The following CDKL4 variants were observed in gnomAD, a reference collection of about 807,000 sequenced individuals.
CDKL4 encodes the protein cyclin dependent kinase like 4, also known as cyclin-dependent kinase-like 4.
Under a neutral mutation model 42.0 loss-of-function variants are expected in CDKL4, and 44 were observed. The ratio of observed to expected loss-of-function variants is 1.05; its 90% CI spans 0.82 to 1.35. The LOEUF (loss-of-function observed/expected upper bound fraction) is 1.35. CDKL4 is among the 40% of genes most tolerant of loss of function. CDKL4 has a pLI of 0.00. For missense variants in CDKL4, 393 were observed against 369.9 expected (o/e 1.06, Z -0.51); for synonymous variants, 120 against 121.6 (o/e 0.99, Z 0.09).
At chr2:39,177,947 C>G (rs570780800) in intron 9 of CDKL4, among the ~76,000 whole-genome samples, 2 of 152,320 alleles carry the variant, frequency 1.3e-5, no homozygotes, top group Admixed American at 1.3e-4. Flanking sequence ...CCTTGGCCTC[C>G]CAAAGTGCTG....
intron 7 of CDKL4, among the ~76,000 whole-genome samples, chr2:39,185,432 GTATATATACA>G (rs1558547661): frequency 0.096 from 1,591 of 16,654 alleles, 320 homozygotes; most frequent in Non-Finnish European, 0.18. Context: ...ATATACATAT[GTATATATACA>G]TGTATATATA....
At chr2:39,201,843 G>A (rs1433365303) in intron 5 of CDKL4, among the ~76,000 whole-genome samples, 1 of 152,132 alleles carries the variant, frequency 6.6e-6, no homozygotes, top group African/African-American at 2.4e-5. Context: ...CGAAAGGGTC[G>A]GGCGGCGGGT....
chr2:39,201,812 A>G (rs1264685484), intron 5 of CDKL4, among the ~76,000 whole-genome samples: 1 of 152,186 alleles, frequency 6.6e-6, no homozygotes, highest in African/African-American at 2.4e-5. Context: ...AGAATAATAC[A>G]ATGGACTTTG....
chr2:39,226,594 T>C (rs1246021444), intron 2 of CDKL4, among the ~76,000 whole-genome samples: 1 of 151,316 alleles, frequency 6.6e-6, no homozygotes, highest in Non-Finnish European at 1.5e-5. Context: ...ACAGCCTCTG[T>C]TTAATATCGC....
chr2:39,210,705 C>T (rs1313196976), intron 4 of CDKL4, among the ~76,000 whole-genome samples: 1 of 152,166 alleles, frequency 6.6e-6, no homozygotes, highest in Non-Finnish European at 1.5e-5. Context: ...ATCATTTTAA[C>T]TACCCATAAA....
At chr2:39,226,473 A>AT (rs1159576931) in intron 2 of CDKL4, among the ~76,000 whole-genome samples, 12 of 141,926 alleles carry the variant, frequency 8.5e-5, no homozygotes, top group South Asian at 4.3e-4. Context: ...TATTATATAT[A>AT]TATAATATAT....
intron 6 of CDKL4, among the ~76,000 whole-genome samples, chr2:39,188,655 A>AT (rs1675984814): frequency 6.7e-6 from 1 of 148,902 alleles, no homozygotes; most frequent in Non-Finnish European, 1.5e-5. Flanking sequence ...CATAAATGAG[A>AT]TTTTATGAGA....
At chr2:39,184,785 A>T in intron 7 of CDKL4, 138 bp from the exon 8 acceptor site, 1 of 606,190 alleles carries the variant, frequency 1.6e-6, no homozygotes, top group Admixed American at 2.6e-5. Flanking sequence ...CCCAGGCTGC[A>T]GTGCAGTGGC....
At position 39,176,289 on chromosome 2, in the gene CDKL4, C is replaced by T. The variant is rs182469604; in HGVS notation, c.928-193G>A. ...GATACCTAAAAATTAGGTTCTACTACTTATTCTAGGATACCCATGGATATA... is the reference window on the plus strand; with the variant it reads ...GATACCTAAAAATTAGGTTCTACTATTTATTCTAGGATACCCATGGATATA... On this transcript the variant is annotated intron_variant, in intron 9 of 9. Transcript: ENST00000451199. 4.5e-3 allele frequency among the ~76,000 whole-genome samples: 685 copies of T among 152,258 alleles called. 6 individuals carry two copies. Among genetic ancestry groups the T allele is most frequent in the Non-Finnish European group, 7.4e-3 (503 of 68,010 alleles).
intron 5 of CDKL4, among the ~76,000 whole-genome samples, chr2:39,195,731 C>G (rs1676475353): frequency 6.8e-6 from 1 of 147,954 alleles, no homozygotes; most frequent in South Asian, 2.1e-4. Context: ...CAACCTCTGT[C>G]TCCTGGGTTC....
intron 3 of CDKL4, among the ~76,000 whole-genome samples, chr2:39,221,054 C>T (rs1282791374): frequency 2.3e-5 from 3 of 128,790 alleles, no homozygotes; most frequent in Admixed American, 2.0e-4. Flanking sequence ...GCTCTTGTCG[C>T]CCAGGCTGGA....
At chr2:39,242,881 T>A (rs1255689490) in intron 1 of CDKL4, among the ~76,000 whole-genome samples, 2 of 151,974 alleles carry the variant, frequency 1.3e-5, no homozygotes, top group Non-Finnish European at 2.9e-5. Flanking sequence ...GTGGAGCACT[T>A]GAAGCCAGGA....
At chr2:39,221,548 A>G (rs1414014252) in intron 3 of CDKL4, among the ~76,000 whole-genome samples, 1 of 152,202 alleles carries the variant, frequency 6.6e-6, no homozygotes, top group African/African-American at 2.4e-5. Flanking sequence ...AGTACCCAAC[A>G]TTTCATAAAA....
At chr2:39,233,060 A>G (rs368182570) in intron 1 of CDKL4, among the ~76,000 whole-genome samples, 12 of 73,106 alleles carry the variant, frequency 1.6e-4, no homozygotes, top group Admixed American at 4.4e-4. Flanking sequence ...AAAAAAAAAA[A>G]AAAGAAAGAA....
Position 39,188,485 on chromosome 2 carries a change from T to A in CDKL4, c.653-776A>T, listed in dbSNP as rs757109957. Among the ~76,000 whole-genome samples, 4 of 138,330 alleles carry A rather than the reference T, an allele frequency of 2.9e-5. No homozygotes were observed. The East Asian group carries it at 6.5e-4, about 23-fold the overall frequency. 90.7% of individuals were successfully genotyped at this position (138,330 alleles called of 152,430 possible). Reference sequence around the variant, plus strand: ...GCTGAGGCAGGAGAATCGCTTGAATTTGGGAGGCGGAGGTTGCAGTGAGCC... The same window carrying A: ...GCTGAGGCAGGAGAATCGCTTGAATATGGGAGGCGGAGGTTGCAGTGAGCC... On this transcript the variant is annotated intron_variant, in intron 6 of 9. Transcript: ENST00000451199.
At chr2:39,176,869 C>T (rs7575216) in intron 9 of CDKL4, among the ~76,000 whole-genome samples, 135,284 of 152,238 alleles carry the variant, frequency 0.89, 60,388 homozygotes, top group Non-Finnish European at 0.94. Flanking sequence ...TATTTTCTGA[C>T]ATGGTAAAAT....
intron 1 of CDKL4, among the ~76,000 whole-genome samples, chr2:39,235,228 C>T (rs1261249575): frequency 6.6e-6 from 1 of 152,066 alleles, no homozygotes; most frequent in Non-Finnish European, 1.5e-5. Flanking sequence ...CCATAGTCCT[C>T]TTGAATGTAT....
chr2:39,173,741 C>T (rs1005848405), downstream of CDKL4, among the ~76,000 whole-genome samples: 21 of 146,844 alleles, frequency 1.4e-4, no homozygotes, highest in African/African-American at 3.5e-4. Flanking sequence ...ACCCGGGAGG[C>T]GGAGCAGCTT....
chr2:39,190,824 C>T (rs1385717570), intron 5 of CDKL4, among the ~76,000 whole-genome samples: 1 of 152,138 alleles, frequency 6.6e-6, no homozygotes, highest in Non-Finnish European at 1.5e-5. Flanking sequence ...TTACCATCAG[C>T]ATGGTGGTTG....
Sources: allele counts gnomAD v4.1 joint callset (sites outside exome capture counted in the v4.1 genomes callset), GRCh38; gene constraint gnomAD v4.1.1; transcripts MANE v1.5; gene names NCBI Gene and HGNC (gene_info 2026-07-23, HGNC 2026-07-21).